The following COMMD1 variants were observed in gnomAD, a reference collection of about 807,000 sequenced individuals.
COMMD1 encodes the protein copper metabolism domain containing 1.
In COMMD1, 10 loss-of-function variants were observed where a neutral mutation model predicts 17.2. That is an observed-to-expected ratio of 0.58 (90% confidence interval 0.36 to 0.99). COMMD1 has a LOEUF of 0.99. COMMD1 is among the 50% of genes least tolerant of loss of function. The pLI is 0.01. For synonymous variants in COMMD1, 97 were observed against 91.6 expected (o/e 1.06, Z -0.34); for missense variants, 270 against 231.8 (o/e 1.17, Z -1.07).
At position 62,024,654 on chromosome 2, in the gene COMMD1, G is replaced by T. The variant is rs1669704794; in HGVS notation, c.462+23672G>T. The stretch of plus-strand genomic sequence containing the variant: ...TCTTAAGAGTGTTCTTTGTTTATAG[G>T]CTTCTGTAAATATGTAATGTAATGT... On this transcript the variant is annotated intron_variant, in intron 2 of 2. Coordinates refer to ENST00000311832, the MANE Select transcript of COMMD1 (RefSeq NM_152516.4). 2.0e-5 allele frequency among the ~76,000 whole-genome samples: 3 copies of T among 152,000 alleles called. No individual in the cohort carries two copies. In the South Asian group the frequency reaches 6.2e-4, roughly 32 times the overall value.
At chr2:62,114,068 T>A (rs1421499815) in intron 2 of COMMD1, among the ~76,000 whole-genome samples, 1 of 152,226 alleles carries the variant, frequency 6.6e-6, no homozygotes, top group Non-Finnish European at 1.5e-5. Flanking sequence ...TCATTTTATA[T>A]TTTTATCCAT....
At chr2:61,993,046 C>CTCACG (rs1672292374) in intron 1 of COMMD1, among the ~76,000 whole-genome samples, 2 of 152,132 alleles carry the variant, frequency 1.3e-5, no homozygotes, top group South Asian at 4.1e-4. Context: ...TACCTTATAC[C>CTCACG]TCATAGGAGA....
intron 1 of COMMD1, among the ~76,000 whole-genome samples, chr2:61,982,982 T>G (rs1011993856): frequency 6.6e-6 from 1 of 152,166 alleles, no homozygotes; most frequent in Non-Finnish European, 1.5e-5. Flanking sequence ...TAGGTTTCCT[T>G]TTTAAAAATT....
chr2:62,035,687 T>G (rs1358315294), intron 2 of COMMD1, among the ~76,000 whole-genome samples: 1 of 145,260 alleles, frequency 6.9e-6, no homozygotes, highest in Non-Finnish European at 1.5e-5. Context: ...TGCAGTGAGA[T>G]GTGATCATGC....
chr2:62,074,218 T>C (rs1353814623), intron 2 of COMMD1, among the ~76,000 whole-genome samples: 1 of 152,196 alleles, frequency 6.6e-6, no homozygotes, highest in African/African-American at 2.4e-5. Flanking sequence ...AAGATTTTTA[T>C]TGAGATTTCA....
At chr2:62,082,710 A>G (rs968735101) in intron 2 of COMMD1, among the ~76,000 whole-genome samples, 1 of 152,206 alleles carries the variant, frequency 6.6e-6, no homozygotes, top group Non-Finnish European at 1.5e-5. Context: ...AAATACAAAA[A>G]TTAGCTGAGC....
chr2:61,940,028 G>C (rs1670702605), intron 1 of COMMD1, among the ~76,000 whole-genome samples: 1 of 152,198 alleles, frequency 6.6e-6, no homozygotes, highest in Non-Finnish European at 1.5e-5. Context: ...CATAGGGGTA[G>C]CTCAAGCCAA....
intron 1 of COMMD1, among the ~76,000 whole-genome samples, chr2:61,999,595 G>C (rs1412520087): frequency 6.6e-6 from 1 of 151,914 alleles, no homozygotes; most frequent in Non-Finnish European, 1.5e-5. Context: ...TTGTTTTATT[G>C]TTATTATTAT....
At chr2:61,956,765 T>G (rs1671208605) in intron 1 of COMMD1, among the ~76,000 whole-genome samples, 1 of 151,764 alleles carries the variant, frequency 6.6e-6, no homozygotes, top group South Asian at 2.1e-4. Flanking sequence ...TTTGTTTTGT[T>G]TTTTGCGATG....
chr2:61,959,881 G>C (rs143684146), intron 1 of COMMD1, among the ~76,000 whole-genome samples: 3 of 152,222 alleles, frequency 2.0e-5, no homozygotes, highest in Non-Finnish European at 4.4e-5. Flanking sequence ...CCCTACTGCT[G>C]TGTCCAGTTT....
intron 1 of COMMD1, among the ~76,000 whole-genome samples, chr2:61,963,820 C>T (rs1392846924): frequency 2.0e-5 from 3 of 152,156 alleles, no homozygotes; most frequent in Admixed American, 1.3e-4. Context: ...GCCTGGGCAC[C>T]GTGCCGTCAG....
intron 1 of COMMD1, chr2:61,915,691 C>G (rs764870191): frequency 2.2e-6 from 1 of 453,586 alleles, no homozygotes; most frequent in South Asian, 1.6e-5. Flanking sequence ...GAGACAGAAT[C>G]TCCCCATATC....
intron 1 of COMMD1, among the ~76,000 whole-genome samples, chr2:61,931,740 A>G (rs905358669): frequency 6.6e-6 from 1 of 152,186 alleles, no homozygotes; most frequent in African/African-American, 2.4e-5. Flanking sequence ...CTGCTACTTG[A>G]CATAAGTGAC....
rs140753541 is a variant in COMMD1 at position 61,975,648 on chromosome 2, A to G, written c.181-25053A>G. ...ATTTTACAATTTAGGTTGTATTTTC[A>G]TTAAAATATTTCATTAAAACATTTA... On this transcript the variant is annotated intron_variant, in intron 1 of 2. Coordinates refer to ENST00000311832, the MANE Select transcript of COMMD1 (RefSeq NM_152516.4). Among the ~76,000 whole-genome samples, 38 of 152,276 alleles carry G rather than the reference A, an allele frequency of 2.5e-4. No homozygotes were observed. In the East Asian group the frequency reaches 6.0e-3, roughly 24 times the overall value.
chr2:62,131,322 T>TTTCA (rs1347248183), intron 2 of COMMD1, among the ~76,000 whole-genome samples: 1 of 152,196 alleles, frequency 6.6e-6, no homozygotes, highest in African/African-American at 2.4e-5. Flanking sequence ...CATCCTTTAC[T>TTTCA]GAAAAGAAGC....
chr2:62,087,386 T>C (rs1377301989), intron 2 of COMMD1, among the ~76,000 whole-genome samples: 1 of 152,156 alleles, frequency 6.6e-6, no homozygotes, highest in Non-Finnish European at 1.5e-5. Flanking sequence ...TGGCATACTT[T>C]TAGAAAAACA....
intron 2 of COMMD1, among the ~76,000 whole-genome samples, chr2:62,044,250 G>T (rs1474316041): frequency 3.3e-5 from 5 of 151,598 alleles, no homozygotes; most frequent in African/African-American, 1.2e-4. Context: ...ATTTTACTTT[G>T]CAGATTTACT....
At chr2:62,032,832 G>A (rs1458102447) in intron 2 of COMMD1, among the ~76,000 whole-genome samples, 9 of 152,120 alleles carry the variant, frequency 5.9e-5, no homozygotes, top group Admixed American at 6.5e-5. Context: ...GTGCAATGGC[G>A]TGATCTTGGC....
At chr2:61,987,327 C>T (rs1213965420) in intron 1 of COMMD1, among the ~76,000 whole-genome samples, 1 of 152,098 alleles carries the variant, frequency 6.6e-6, no homozygotes, top group African/African-American at 2.4e-5. Context: ...TTTACTCATC[C>T]TCTTTGGGAA....
Sources: allele counts gnomAD v4.1 joint callset (sites outside exome capture counted in the v4.1 genomes callset), GRCh38; gene constraint gnomAD v4.1.1; transcripts MANE v1.5; gene names NCBI Gene and HGNC (gene_info 2026-07-23, HGNC 2026-07-21).